EPHA10: variants seen among roughly 807,000 people sequenced by gnomAD.
The protein encoded by EPHA10 is EPH receptor A10.
In EPHA10, 120 loss-of-function variants were observed where a neutral mutation model predicts 109.7. The ratio of observed to expected loss-of-function variants is 1.09; its 90% CI spans 0.94 to 1.27. EPHA10 has a LOEUF of 1.27. Ranked by LOEUF, EPHA10 falls within the 50% of genes most tolerant of loss-of-function variation. The pLI is 0.00. For missense variants in EPHA10, 1,396 were observed against 1,411.1 expected, an observed-to-expected ratio of 0.99 and a Z score of 0.17; for synonymous variants, 640 against 618.9, an observed-to-expected ratio of 1.03 and a Z score of -0.51.
intron 5 of EPHA10, among the ~76,000 whole-genome samples, chr1:37,744,962 G>C (rs563100188): frequency 6.6e-6 from 1 of 152,184 alleles, no homozygotes; most frequent in Non-Finnish European, 1.5e-5. Context: ...AAAACACCTA[G>C]AGAGATGATG....
chr1:37,743,680 C>G (rs979601989), intron 5 of EPHA10, among the ~76,000 whole-genome samples: 1 of 152,160 alleles, frequency 6.6e-6, no homozygotes, highest in African/African-American at 2.4e-5. Flanking sequence ...ACATGATACT[C>G]AGTGTAAAAT....
At chr1:37,741,824 T>C (rs923418079) in intron 5 of EPHA10, among the ~76,000 whole-genome samples, 2 of 151,058 alleles carry the variant, frequency 1.3e-5, no homozygotes, top group African/African-American at 4.9e-5. Context: ...ACTGCAGAGC[T>C]GCTTTCGAGG....
In EPHA10 at chr1:37,754,303, G is replaced by A; in HGVS notation, c.918C>T (p.Ser306=). The A allele has an allele frequency of 7.6e-7, 1 of 1,322,746 alleles. No homozygotes were observed. The allele number at this position is 1,322,746 out of a possible 1,614,324, so 81.9% of individuals were successfully genotyped here. Residue 306 remains serine (S), a synonymous_variant, in exon 4 of 17, where the codon AGC becomes AGT. Coordinates refer to ENST00000373048, the MANE Select transcript of EPHA10 (RefSeq NM_001099439.2). The surrounding 1 kb of genome is among the most constrained non-coding windows in gnomAD (Gnocchi z 4.5). Reference sequence around the variant, plus strand: ...AGGTGGAGGCGTTTTCCAGGGCCCGGCTGTGCTCTGGGCACGGTGAGCAGA... The same window carrying A: ...AGGTGGAGGCGTTTTCCAGGGCCCGACTGTGCTCTGGGCACGGTGAGCAGA... ...RPLCSPCPEH[S]RALENASTFC...
chr1:37,725,087 G>A (rs559626104), intron 8 of EPHA10, among the ~76,000 whole-genome samples: 1 of 152,296 alleles, frequency 6.6e-6, no homozygotes, highest in African/African-American at 2.4e-5. Context: ...AGGCAGGTTT[G>A]TAGGTTTGGT....
At chr1:37,755,489 A>G (rs1646386590) in intron 3 of EPHA10, among the ~76,000 whole-genome samples, 1 of 152,126 alleles carries the variant, frequency 6.6e-6, no homozygotes, top group African/African-American at 2.4e-5. Flanking sequence ...TCCAGTCTTG[A>G]CACCTACTCA....
At chr1:37,741,831 G>C (rs529564442) in intron 5 of EPHA10, among the ~76,000 whole-genome samples, 1 of 150,936 alleles carries the variant, frequency 6.6e-6, no homozygotes, top group Admixed American at 6.6e-5. Context: ...AGCTGCTTTC[G>C]AGGAAGAGTG....
intron 11 of EPHA10, 121 bp from the exon 12 acceptor site, chr1:37,720,965 A>C: frequency 1.1e-6 from 1 of 876,620 alleles, no homozygotes; most frequent in Non-Finnish European, 1.8e-6. Flanking sequence ...AAGCTCCCTA[A>C]TCTCGCCATC....
rs558354458 is a variant in EPHA10, at chr1:37,723,011, G to A, written c.1960+30C>T. Reference sequence around the variant, plus strand: ...ATAGAGTGGGTGAGGCTTCCAGATGGGGACAAGGCTTCCTGGGCGCCCAGC... The same window carrying A: ...ATAGAGTGGGTGAGGCTTCCAGATGAGGACAAGGCTTCCTGGGCGCCCAGC... On this transcript the variant is annotated intron_variant, in intron 10 of 16. Transcript: ENST00000373048. The A allele has an allele frequency of 9.9e-6, 16 of 1,613,856 alleles. No individual in the cohort carries two copies. The Admixed American group carries it at 2.0e-4, about 20-fold the overall frequency.
rs751763324 is a variant in EPHA10, at chr1:37,761,763, G to A, written c.492C>T (p.Gly164=). ...GCTTCATCTTGCGCTCACCCAGGTC[G>A]CCCTGCGTGAAGCTCTCGTCCGCCG... ...TIAADESFTQ[G]DLGERKMKLN... is the part of the protein sequence containing the mutation. The change falls in exon 3 of 17, where the codon GGC becomes GGT. Residue 164 remains glycine, a synonymous_variant. Coordinates refer to ENST00000373048, the MANE Select transcript of EPHA10 (RefSeq NM_001099439.2). 5.0e-6 allele frequency: 8 copies of A among 1,613,774 alleles called. No homozygotes were observed. Among genetic ancestry groups the A allele is most frequent in the Non-Finnish European group, 6.8e-6 (8 of 1,179,820 alleles).
In EPHA10 at chr1:37,731,626, C is replaced by G. The variant is rs1645984995; in HGVS notation, c.1492-44G>C. 1.9e-6 allele frequency: 3 copies of G among 1,563,018 alleles called. No individual in the cohort carries two copies. In the East Asian group the frequency reaches 6.9e-5, roughly 36 times the overall value. ...GTGAAGCCCACCAGCGCCAGATCCA[C>G]TGTTCTAGGAGAACAAAGGGTGAAC... On this transcript the variant is annotated intron_variant, in intron 6 of 16. Transcript: ENST00000373048.
intron 5 of EPHA10, among the ~76,000 whole-genome samples, chr1:37,749,205 G>A (rs1052363947): frequency 2.0e-5 from 3 of 151,384 alleles, no homozygotes; most frequent in Non-Finnish European, 4.4e-5. Context: ...TTACAGGCGT[G>A]AGCCACTGTG....
At chr1:37,751,567 CAAA>C (rs34755028) in intron 5 of EPHA10, among the ~76,000 whole-genome samples, 128 of 141,942 alleles carry the variant, frequency 9.0e-4, no homozygotes, top group African/African-American at 2.9e-3. Flanking sequence ...AACTCCATTT[CAAA>C]AAAAAAAAAA....
In EPHA10 at chr1:37,718,192, G is replaced by C; in HGVS notation, c.*180C>G. 1.6e-6 allele frequency: 1 copy of C among 612,434 alleles called. No homozygotes were observed. The highest frequency in any genetic ancestry group is 2.0e-5 in the South Asian group (1 of 48,910). The allele number at this position is 612,434 out of a possible 1,614,324, so 37.9% of individuals were successfully genotyped here. On this transcript the variant is annotated 3_prime_UTR_variant, in exon 17 of 17. Transcript: ENST00000373048. ...TGAGTTAGCCAAGGCGTTCAGACTC[G>C]TGAAAATGGGAGGGGCAGGCAGTGA... is the stretch of plus-strand genomic sequence containing the variant.
Position 37,751,009 on chromosome 1 carries a change from T to A in EPHA10, c.1357+1867A>T, listed in dbSNP as rs566031157. On this transcript the variant is annotated intron_variant, in intron 5 of 16. Transcript: ENST00000373048. ...TCACGAGCTCAGGAGATCGAGACCA[T>A]CCTGGCTAACATGGTGAAACCCTGT... Among the ~76,000 whole-genome samples the A allele has an allele frequency of 1.9e-4, 29 of 150,012 alleles. No homozygotes were observed. The Middle Eastern group carries it at 0.011, about 55-fold the overall frequency.
In EPHA10 at chr1:37,753,148, G is replaced by C; in HGVS notation, c.1085C>G (p.Pro362Arg). 1 of 1,407,876 alleles carries C rather than the reference G, an allele frequency of 7.1e-7. No homozygotes were observed. The highest frequency in any genetic ancestry group is 9.3e-7 in the Non-Finnish European group (1 of 1,080,952). 87.2% of individuals were successfully genotyped at this position (1,407,876 alleles called of 1,614,324 possible). A position where few individuals can be genotyped will look rare whatever the true frequency, so the allele number is the denominator to read the frequency against. Residue 362 changes from proline (P) to arginine (R), a missense_variant, in exon 5 of 17, where the codon CCG becomes CGG. Transcript: ENST00000373048. ...GTCCGAGCGGCCTCCCGAGTCGGCCGGCGGCAGCCAGCGCAGTCGCAGCAC... is the reference window on the plus strand; with the variant it reads ...GTCCGAGCGGCCTCCCGAGTCGGCCCGCGGCAGCCAGCGCAGTCGCAGCAC... ...PLVLRLRWLP[P>R]ADSGGRSDVT...
Position 37,718,377 on chromosome 1 carries a change from CCTGCACCCCCTGGCCCTGCAG to C in EPHA10, c.3001_3021del (p.Leu1001_Gln1007del). 1.2e-6 allele frequency: 2 copies of C among 1,607,174 alleles called. No individual in the cohort carries two copies. Among genetic ancestry groups the C allele is most frequent in the South Asian group, 2.2e-5 (2 of 90,010 alleles). On this transcript the variant is annotated inframe_deletion, in exon 17 of 17. Transcript: ENST00000373048. ...CTTGGAAGAATGGGGTCCACTCACA[CCTGCACCCCCTGGCCCTGCAG>C]CTGGAGCACTCGTGCCTGCAGGGCG...
At chr1:37,744,499 A>T (rs973881568) in intron 5 of EPHA10, among the ~76,000 whole-genome samples, 1 of 138,732 alleles carries the variant, frequency 7.2e-6, no homozygotes, top group Non-Finnish European at 1.5e-5. Context: ...CAGCCCATCT[A>T]AAAAAAAAAA....
chr1:37,757,075 C>T (rs2148368625), intron 3 of EPHA10, among the ~76,000 whole-genome samples: 1 of 152,266 alleles, frequency 6.6e-6, no homozygotes, highest in South Asian at 2.1e-4. Flanking sequence ...AATCCTCCTG[C>T]CTTAGCCTCC....
At position 37,721,913 on chromosome 1, in the gene EPHA10, C is replaced by A; in HGVS notation, c.1961-68G>T. On this transcript the variant is annotated intron_variant, in intron 10 of 16. Coordinates refer to ENST00000373048, the MANE Select transcript of EPHA10 (RefSeq NM_001099439.2). ...CCTGGCTGAGCTGGGCAGGCTGAGCCGAGGAGAAAGTGACTCTGACCAGCC... is the reference window on the plus strand; with the variant it reads ...CCTGGCTGAGCTGGGCAGGCTGAGCAGAGGAGAAAGTGACTCTGACCAGCC... The A allele has an allele frequency of 6.4e-6, 9 of 1,402,002 alleles. No homozygotes were observed. In the South Asian group the frequency reaches 7.8e-5, roughly 12 times the overall value. The allele number at this position is 1,402,002 out of a possible 1,614,324, so 86.8% of individuals were successfully genotyped here. A position where few individuals can be genotyped will look rare whatever the true frequency, so the allele number is the denominator to read the frequency against.
Sources: gnomAD v4.1 joint callset for allele counts (sites outside exome capture counted in the v4.1 genomes callset) on GRCh38, gnomAD v4.1.1 for gene constraint, Gnocchi (gnomAD v3.1) non-coding constraint, MANE v1.5 for transcripts, NCBI Gene and HGNC (gene_info 2026-07-23, HGNC 2026-07-21) for gene names.